The following DOCK4 variants were observed in gnomAD, a reference collection of about 807,000 sequenced individuals.
DOCK4 encodes dedicator of cytokinesis protein 4.
A neutral mutation model predicts 268.1 loss-of-function variants in DOCK4; 97 were observed. The observed-to-expected ratio is 0.36, with a 90% CI of 0.31 to 0.43. The LOEUF (loss-of-function observed/expected upper bound fraction) is 0.43. DOCK4 is among the 20% of genes least tolerant of loss of function. The pLI is 1.00. For synonymous variants in DOCK4, 954 were observed against 887.2 expected (o/e 1.08, Z -1.34); for missense variants, 2,145 against 2,455.7 (o/e 0.87, Z 2.67).
chr7:111,785,039 C>T (rs1799068381), intron 32 of DOCK4, among the ~76,000 whole-genome samples: 1 of 152,158 alleles, frequency 6.6e-6, no homozygotes, highest in Non-Finnish European at 1.5e-5. Flanking sequence ...CCCAAGTTTT[C>T]TCTCCATCAT....
rs773930601 is a variant in DOCK4, at chr7:111,869,597, C to G, written c.2086G>C (p.Glu696Gln). ...VDRITEAERQ[E>Q]HIQEVLKAQE... The stretch of plus-strand genomic sequence containing the variant: ...ACCTTCAGCACCTCCTGGATATGCT[C>G]TTGCCGCTCTGCTTCTGTGATCCGG... Residue 696 changes from glutamate to glutamine, a missense_variant, in exon 21 of 53, where the codon GAG (glutamate) becomes CAG (glutamine). By Grantham distance (29) the Glu-to-Gln change is conservative (BLOSUM62 2). Around this residue, in one of 2 missense-constraint regions of DOCK4, gnomAD observed 1,598 missense variants for 1,986.7 expected, o/e 0.80. Coordinates refer to ENST00000428084, the MANE Select transcript of DOCK4 (RefSeq NM_001363540.2). 1.9e-6 allele frequency: 3 copies of G among 1,613,556 alleles called. No homozygotes were observed. The South Asian group carries it at 3.3e-5, about 18-fold the overall frequency.
intron 5 of DOCK4, among the ~76,000 whole-genome samples, chr7:111,991,068 T>C (rs29472): frequency 0.45 from 68,985 of 152,038 alleles, 16,009 homozygotes; most frequent in African/African-American, 0.51. Context: ...TTTGAACTGA[T>C]TGTCACAGGG....
At position 112,009,941 on chromosome 7, in the gene DOCK4, TC is replaced by T. The variant is rs1335607812; in HGVS notation, c.38-5811del. ...AAGCCATCCTCCCACCTCAGCCTCC[TC>T]AGTAGCTCGGACTGAAAGCGTTCGC... On this transcript the variant is annotated intron_variant, in intron 1 of 52. Transcript: ENST00000428084. Among the ~76,000 whole-genome samples the T allele has an allele frequency of 8.5e-5, 13 of 152,244 alleles. No individual in the cohort carries two copies. In the East Asian group the frequency reaches 2.3e-3, roughly 27 times the overall value.
At chr7:111,936,481 TATGAATGGATGGATGG>T (rs1422997732) in intron 11 of DOCK4, among the ~76,000 whole-genome samples, 2 of 145,552 alleles carry the variant, frequency 1.4e-5, no homozygotes, top group Non-Finnish European at 3.0e-5. Context: ...CTGTCAGTGG[TATGAATGGATGGATGG>T]ATGGATGGAT....
intron 11 of DOCK4, among the ~76,000 whole-genome samples, chr7:111,939,514 CAAAAAAA>C (rs55951068): frequency 6.2e-5 from 5 of 80,698 alleles, no homozygotes; most frequent in African/African-American, 9.5e-5. Context: ...GACTCCTTCT[CAAAAAAA>C]AAAAAAAAAA....
At chr7:111,876,550 G>A (rs1423234593) in intron 17 of DOCK4, among the ~76,000 whole-genome samples, 1 of 152,138 alleles carries the variant, frequency 6.6e-6, no homozygotes, top group East Asian at 1.9e-4. Flanking sequence ...TACAGAAGAT[G>A]TTTTCATAGC....
Position 112,018,179 on chromosome 7 carries a change from A to AAAAAAAAAAAAAAAAAC in DOCK4, c.38-14049_38-14048insGTTTTTTTTTTTTTTTT. On this transcript the variant is annotated intron_variant, in intron 1 of 52. Transcript: ENST00000428084. ...AAAAAAAAAAAAAAAAAAAAAAAAA[A>AAAAAAAAAAAAAAAAAC]ACACAGGCAACCAGTATTCATGTGG... is the stretch of plus-strand genomic sequence containing the variant. Among the ~76,000 whole-genome samples the AAAAAAAAAAAAAAAAAC allele has an allele frequency of 8.3e-5, 6 of 72,590 alleles. 1 individual carries two copies. Among genetic ancestry groups the AAAAAAAAAAAAAAAAAC allele is most frequent in the African/African-American group, 2.7e-4 (5 of 18,470 alleles). The allele number at this position is 72,590 out of a possible 152,430, so 47.6% of individuals were successfully genotyped here. A position where few individuals can be genotyped will look rare whatever the true frequency, so the allele number is the denominator to read the frequency against.
At chr7:111,983,841 C>A (rs1296944320) in intron 7 of DOCK4, among the ~76,000 whole-genome samples, 2 of 95,350 alleles carry the variant, frequency 2.1e-5, no homozygotes, top group Non-Finnish European at 4.1e-5. Context: ...TATGTACACA[C>A]ACACGCGCGC....
chr7:111,879,001 G>A (rs1807149692), intron 16 of DOCK4, among the ~76,000 whole-genome samples: 1 of 151,804 alleles, frequency 6.6e-6, no homozygotes, highest in African/African-American at 2.4e-5. Flanking sequence ...GGTGAGTAAG[G>A]GAATAGTAAA....
chr7:111,827,150 T>C (rs1490758428), intron 26 of DOCK4, among the ~76,000 whole-genome samples: 1 of 152,228 alleles, frequency 6.6e-6, no homozygotes, highest in Non-Finnish European at 1.5e-5. Context: ...ATACCCTTGA[T>C]GTGAGGTTTG....
chr7:112,186,013 T>C (rs899396062), intron 1 of DOCK4, among the ~76,000 whole-genome samples: 5 of 152,214 alleles, frequency 3.3e-5, no homozygotes, highest in Non-Finnish European at 7.4e-5. Context: ...TCTCAGACAC[T>C]ACCTTCTGAT....
chr7:112,191,960 ATATAT>A (rs1031472490), intron 1 of DOCK4, among the ~76,000 whole-genome samples: 11 of 148,304 alleles, frequency 7.4e-5, no homozygotes, highest in Middle Eastern at 3.6e-3. Flanking sequence ...CTTATATAAT[ATATAT>A]TATAATTATA....
chr7:112,132,479 A>T (rs915519445), intron 1 of DOCK4, among the ~76,000 whole-genome samples: 1 of 152,216 alleles, frequency 6.6e-6, no homozygotes, highest in African/African-American at 2.4e-5. Flanking sequence ...TAGCATCAAC[A>T]ACATTCACAC....
intron 12 of DOCK4, 33 bp from the exon 13 acceptor site, chr7:111,915,937 C>G: frequency 6.3e-7 from 1 of 1,595,384 alleles, no homozygotes; most frequent in South Asian, 1.1e-5. Context: ...GAGTTAAAAA[C>G]AGAATAGAAA....
At chr7:111,988,339 A>G (rs1439191183) in intron 6 of DOCK4, among the ~76,000 whole-genome samples, 2 of 152,176 alleles carry the variant, frequency 1.3e-5, no homozygotes, top group Admixed American at 1.3e-4. Context: ...TCTCACTTCT[A>G]TGTTAATATT....
Position 111,872,506 on chromosome 7 carries a change from G to A in DOCK4, c.1803C>T (p.Leu601=), listed in dbSNP as rs1230735873. The A allele has an allele frequency of 1.2e-6, 2 of 1,603,872 alleles. No homozygotes were observed. Among genetic ancestry groups the A allele is most frequent in the East Asian group, 2.2e-5 (1 of 44,800 alleles). The change falls in exon 18 of 53, where the codon CTC becomes CTT. Residue 601 remains leucine, a synonymous_variant. Transcript: ENST00000428084. The part of the protein sequence containing the change: ...RTHPDKITGC[L]SKLKEIDGSE... ...AGCCATCAATTTCTTTTAATTTAGA[G>A]AGACAGCCAGTGATCTTGTCTGGGT...
At chr7:111,760,362 T>C in intron 39 of DOCK4, 40 bp from the exon 40 acceptor site, 2 of 1,593,898 alleles carry the variant, frequency 1.3e-6, no homozygotes, top group Non-Finnish European at 1.7e-6. Flanking sequence ...GCTATATAAC[T>C]GAGTGGATTA....
intron 12 of DOCK4, among the ~76,000 whole-genome samples, chr7:111,930,717 C>T (rs1794130392): frequency 6.6e-6 from 1 of 152,148 alleles, no homozygotes; most frequent in African/African-American, 2.4e-5. Context: ...GCTCTTGCTT[C>T]CCCCACTATC....
At chr7:112,187,493 C>T (rs1356662305) in intron 1 of DOCK4, among the ~76,000 whole-genome samples, 1 of 152,166 alleles carries the variant, frequency 6.6e-6, no homozygotes, top group Non-Finnish European at 1.5e-5. Context: ...TGAAGGAACA[C>T]TTTCTTGCTC....
Sources: allele counts gnomAD v4.1 joint callset (sites outside exome capture counted in the v4.1 genomes callset), GRCh38; gene constraint gnomAD v4.1.1; regional missense constraint gnomAD v4.1.1; transcripts MANE v1.5; gene names NCBI Gene and HGNC (gene_info 2026-07-23, HGNC 2026-07-21).